The following FOXJ3 variants were observed in gnomAD, a reference collection of about 807,000 sequenced individuals.
FOXJ3 encodes the protein forkhead box J3, also known as forkhead box protein J3.
Under a neutral mutation model 76.1 loss-of-function variants are expected in FOXJ3, and 22 were observed. The ratio of observed to expected loss-of-function variants is 0.29; its 90% CI spans 0.21 to 0.41. The LOEUF is 0.41. Ranked by LOEUF, FOXJ3 falls within the 10% of genes least tolerant of loss-of-function variation. The pLI is 1.00. For synonymous variants in FOXJ3, 269 were observed against 261.2 expected (o/e 1.03, Z -0.29); for missense variants, 613 against 762.1 (o/e 0.80, Z 2.30).
At chr1:42,201,416 C>A (rs1025532330) in intron 6 of FOXJ3, among the ~76,000 whole-genome samples, 1 of 152,134 alleles carries the variant, frequency 6.6e-6, no homozygotes, top group African/African-American at 2.4e-5. Flanking sequence ...AAATTTCCAC[C>A]TATTTACAGC....
intron 6 of FOXJ3, among the ~76,000 whole-genome samples, chr1:42,203,510 T>G (rs1008455933): frequency 3.3e-5 from 5 of 152,186 alleles, no homozygotes; most frequent in Non-Finnish European, 7.4e-5. Flanking sequence ...AACAAAATTT[T>G]TCTCAGATAT....
At chr1:42,306,245 T>C (rs1395681817) in intron 2 of FOXJ3, among the ~76,000 whole-genome samples, 1 of 151,896 alleles carries the variant, frequency 6.6e-6, no homozygotes, top group Non-Finnish European at 1.5e-5. Flanking sequence ...TGCTAAACTT[T>C]TAAGATTGTA....
intron 4 of FOXJ3, among the ~76,000 whole-genome samples, chr1:42,235,969 G>A (rs1214907999): frequency 2.0e-5 from 3 of 152,126 alleles, no homozygotes; most frequent in Admixed American, 2.0e-4. Flanking sequence ...GGTTACAGGT[G>A]TGAGCTACCA....
chr1:42,244,442 T>C (rs1649380771), intron 4 of FOXJ3, among the ~76,000 whole-genome samples: 1 of 152,150 alleles, frequency 6.6e-6, no homozygotes, highest in Non-Finnish European at 1.5e-5. Context: ...CTGTTAGTCC[T>C]GGAGTTCATG....
chr1:42,259,821 C>T (rs189233135), intron 4 of FOXJ3, among the ~76,000 whole-genome samples: 12 of 152,292 alleles, frequency 7.9e-5, no homozygotes, highest in African/African-American at 2.6e-4. Flanking sequence ...TGACTCGTCC[C>T]TCAGCTAAAC....
Position 42,191,653 on chromosome 1 carries a change from G to C in FOXJ3, c.1001C>G (p.Pro334Arg), listed in dbSNP as rs1368214209. The change falls in exon 9 of 13, where the codon CCC becomes CGC. Residue 334 changes from proline to arginine, a missense_variant. By Grantham distance (103) the Pro-to-Arg change is moderately radical. Transcript: ENST00000361346. ...TGGGTGAGTGCTCACTGTACTGCTGGGAGAGTGCTGATAGGTACATGAAGT... is the reference window on the plus strand; with the variant it reads ...TGGGTGAGTGCTCACTGTACTGCTGCGAGAGTGCTGATAGGTACATGAAGT... ...SHTSCTYQHS[P>R]SSTVSTHPHS... The C allele has an allele frequency of 1.9e-6, 3 of 1,614,128 alleles. No individual in the cohort carries two copies. The highest frequency in any genetic ancestry group is 2.5e-6 in the Non-Finnish European group (3 of 1,180,014).
chr1:42,285,946 C>T (rs1473342335), intron 2 of FOXJ3, among the ~76,000 whole-genome samples: 1 of 152,134 alleles, frequency 6.6e-6, no homozygotes, highest in African/African-American at 2.4e-5. Flanking sequence ...AAGAAGTCAT[C>T]CTTGGCTCTG....
At chr1:42,287,558 A>C (rs1653139988) in intron 2 of FOXJ3, among the ~76,000 whole-genome samples, 1 of 152,208 alleles carries the variant, frequency 6.6e-6, no homozygotes, top group South Asian at 2.1e-4. Context: ...TTTAAGAATC[A>C]CAATATGTTT....
intron 4 of FOXJ3, among the ~76,000 whole-genome samples, chr1:42,235,727 T>A (rs1281349160): frequency 6.6e-6 from 1 of 152,050 alleles, no homozygotes; most frequent in Non-Finnish European, 1.5e-5. Context: ...CACACCCGGA[T>A]AATTTTCGTA....
At chr1:42,227,752 T>C (rs914847665) in intron 5 of FOXJ3, 131 bp downstream of exon 5, 5 of 452,254 alleles carry the variant, frequency 1.1e-5, no homozygotes, top group Non-Finnish European at 2.0e-5. Flanking sequence ...TTCTGAAAAA[T>C]GTAAAATGCT....
chr1:42,293,794 T>C (rs1021496182), intron 2 of FOXJ3, among the ~76,000 whole-genome samples: 1 of 152,228 alleles, frequency 6.6e-6, no homozygotes, highest in Admixed American at 6.5e-5. Context: ...ACATAGCTGA[T>C]ACATCATTTT....
At chr1:42,191,903 C>T (rs1646556065) in intron 8 of FOXJ3, among the ~76,000 whole-genome samples, 184 bp from the exon 9 acceptor site, 1 of 152,066 alleles carries the variant, frequency 6.6e-6, no homozygotes, top group South Asian at 2.1e-4. Flanking sequence ...AATATAATGC[C>T]CCACCCTCAA....
chr1:42,195,116 G>C (rs938140933), intron 7 of FOXJ3, 52 bp from the exon 8 acceptor site: 2 of 1,331,726 alleles, frequency 1.5e-6, no homozygotes, highest in Non-Finnish European at 2.1e-6. Context: ...AATTACAATT[G>C]GCTTGTTATA....
intron 3 of FOXJ3, among the ~76,000 whole-genome samples, chr1:42,270,173 T>C (rs1310004464): frequency 6.6e-6 from 1 of 152,198 alleles, no homozygotes; most frequent in East Asian, 1.9e-4. Flanking sequence ...CCATCTTCTT[T>C]ACCTAAATCA....
intron 4 of FOXJ3, among the ~76,000 whole-genome samples, chr1:42,233,112 G>A (rs1400756579): frequency 6.5e-5 from 7 of 107,960 alleles, no homozygotes; most frequent in Non-Finnish European, 1.4e-4. Flanking sequence ...GTAGATATGC[G>A]GCATTATTTC....
At chr1:42,327,325 C>T (rs934205568) in intron 1 of FOXJ3, among the ~76,000 whole-genome samples, 1 of 152,186 alleles carries the variant, frequency 6.6e-6, no homozygotes, top group African/African-American at 2.4e-5. Context: ...ATGTATCATT[C>T]ACCTCCTGCC....
chr1:42,314,439 G>T (rs1405109018), intron 1 of FOXJ3, among the ~76,000 whole-genome samples: 1 of 152,114 alleles, frequency 6.6e-6, no homozygotes, highest in Non-Finnish European at 1.5e-5. Flanking sequence ...TAGTAGAGGG[G>T]GTTTCACCAT....
At chr1:42,303,840 A>G (rs959331750) in intron 2 of FOXJ3, among the ~76,000 whole-genome samples, 1 of 152,214 alleles carries the variant, frequency 6.6e-6, no homozygotes, top group Non-Finnish European at 1.5e-5. Context: ...AGAAATGCAG[A>G]AAGTGTTCCA....
At chr1:42,316,863 G>A (rs1655143772) in intron 1 of FOXJ3, among the ~76,000 whole-genome samples, 1 of 152,114 alleles carries the variant, frequency 6.6e-6, no homozygotes, top group Non-Finnish European at 1.5e-5. Context: ...CGACTTTGGG[G>A]ACTCAGGGGA....
Sources: allele counts gnomAD v4.1 joint callset (sites outside exome capture counted in the v4.1 genomes callset), GRCh38; gene constraint gnomAD v4.1.1; transcripts MANE v1.5; gene names NCBI Gene and HGNC (gene_info 2026-07-23, HGNC 2026-07-21).